C10orf90: variants seen among roughly 807,000 people sequenced by gnomAD.
C10orf90 encodes the protein (E2-independent) E3 ubiquitin-conjugating enzyme FATS.
A neutral mutation model predicts 62.5 loss-of-function variants in C10orf90; 56 were observed. The observed-to-expected ratio is 0.90, with a 90% CI of 0.72 to 1.12. The LOEUF (loss-of-function observed/expected upper bound fraction) is 1.12. Among genes scored for constraint, C10orf90 ranks in the 50% most tolerant of loss-of-function variants. C10orf90 has a pLI of 0.00. For synonymous variants in C10orf90, 386 were observed against 340.4 expected, an observed-to-expected ratio of 1.13 and a Z score of -1.47; for missense variants, 970 against 880.4, an observed-to-expected ratio of 1.10 and a Z score of -1.29.
In C10orf90 at chr10:126,514,811, C is replaced by T. The variant is rs192034466; in HGVS notation, c.314-872G>A. The stretch of plus-strand genomic sequence containing the variant: ...TCCACCCCCCATCTCTAAAAGTGAC[C>T]TTTGTCAGGTCGCTAATGTAGAAAC... On this transcript the variant is annotated intron_variant, in intron 2 of 9. Coordinates refer to ENST00000488181, the MANE Select transcript of C10orf90 (RefSeq NM_001350921.2). Among the ~76,000 whole-genome samples, 16 of 152,074 alleles carry T rather than the reference C, an allele frequency of 1.1e-4. No homozygotes were observed. The East Asian group carries it at 2.9e-3, about 28-fold the overall frequency.
intron 7 of C10orf90, among the ~76,000 whole-genome samples, chr10:126,451,296 A>G (rs1356196683): frequency 6.6e-6 from 1 of 152,188 alleles, no homozygotes; most frequent in Non-Finnish European, 1.5e-5. Flanking sequence ...CAAAAATGCA[A>G]AAATAGAATG....
chr10:126,612,521 G>A (rs1325877365), intron 2 of C10orf90, among the ~76,000 whole-genome samples: 1 of 152,148 alleles, frequency 6.6e-6, no homozygotes, highest in East Asian at 1.9e-4. Context: ...CCCCTCCGCT[G>A]AGGTACCCCA....
chr10:126,504,706 G>T lies in C10orf90; in HGVS notation c.785C>A (p.Pro262His). 1 of 1,611,028 alleles carries T rather than the reference G, an allele frequency of 6.2e-7. No homozygotes were observed. The change falls in exon 4 of 10, where the codon CCC (proline) becomes CAC (histidine). Residue 262 changes from proline to histidine, a missense_variant. Pro to His is a moderately conservative substitution (Grantham distance 77). Transcript: ENST00000488181. The surrounding 1 kb of genome is among the most constrained non-coding windows in gnomAD (Gnocchi z 4.1). ...VWGTAGDSLCPKCRAEDTLFQ... is the reference protein window; with the variant it reads ...VWGTAGDSLCHKCRAEDTLFQ... ...CAGTGTGTCCTCAGCCCTGCACTTG[G>T]GGCACAGAGAGTCCCCAGCAGTCCC...
rs115381152 is a variant in C10orf90, at chr10:126,576,292, T to C, written c.314-62353A>G. ...AGCCAACATCTCTCAAAAGGAGACA[T>C]AAAAAATGGCCAAGAAAGATATAAA... On this transcript the variant is annotated intron_variant, in intron 2 of 9. Transcript: ENST00000488181. Among the ~76,000 whole-genome samples, 1,457 of 151,932 alleles carry C rather than the reference T, an allele frequency of 9.6e-3. 26 individuals are homozygous for C. Among genetic ancestry groups the C allele is most frequent in the African/African-American group, 0.032 (1,337 of 41,492 alleles).
intron 2 of C10orf90, among the ~76,000 whole-genome samples, chr10:126,607,807 C>T (rs1196248188): frequency 1.3e-5 from 2 of 152,138 alleles, no homozygotes; most frequent in African/African-American, 4.8e-5. Flanking sequence ...TCAGAGTTTA[C>T]TCATACGGTT....
chr10:126,487,805 T>C (rs117693257), intron 4 of C10orf90, among the ~76,000 whole-genome samples: 3,352 of 152,184 alleles, frequency 0.022, 63 homozygotes, highest in Non-Finnish European at 0.035. Context: ...TATTGTATAA[T>C]ATAAAAGGAA....
intron 2 of C10orf90, among the ~76,000 whole-genome samples, chr10:126,637,284 G>C (rs1327136874): frequency 1.3e-5 from 2 of 152,154 alleles, no homozygotes; most frequent in Admixed American, 1.3e-4. Flanking sequence ...TCGTCTCAAA[G>C]TCCTATTGAT....
At chr10:126,432,157 G>A (rs1367978125) in intron 7 of C10orf90, among the ~76,000 whole-genome samples, 2 of 152,176 alleles carry the variant, frequency 1.3e-5, no homozygotes, top group African/African-American at 4.8e-5. Context: ...ATGAGGAAGT[G>A]GTTTGAAATA....
chr10:126,562,305 CTG>C (rs1864920676), intron 2 of C10orf90, among the ~76,000 whole-genome samples: 1 of 152,154 alleles, frequency 6.6e-6, no homozygotes, highest in South Asian at 2.1e-4. Flanking sequence ...CTCCCTTAGA[CTG>C]TATGGAAGCC....
At chr10:126,624,871 C>G (rs1845712493) in intron 2 of C10orf90, among the ~76,000 whole-genome samples, 1 of 152,174 alleles carries the variant, frequency 6.6e-6, no homozygotes, top group African/African-American at 2.4e-5. Flanking sequence ...TTAAGGCCTA[C>G]ACAGAACGTG....
intron 2 of C10orf90, among the ~76,000 whole-genome samples, chr10:126,575,751 A>G (rs1844598109): frequency 1.3e-5 from 2 of 152,036 alleles, no homozygotes; most frequent in South Asian, 4.1e-4. Context: ...CCATGAAACA[A>G]TAGAGAACCC....
chr10:126,441,169 A>T (rs2134023634), intron 7 of C10orf90, among the ~76,000 whole-genome samples: 1 of 152,302 alleles, frequency 6.6e-6, no homozygotes, highest in Middle Eastern at 3.4e-3. Context: ...TATTCAAGGA[A>T]ATAGAAAGCA....
At chr10:126,445,518 A>ATG (rs1252717782) in intron 7 of C10orf90, among the ~76,000 whole-genome samples, 1 of 152,086 alleles carries the variant, frequency 6.6e-6, no homozygotes, top group Non-Finnish European at 1.5e-5. Flanking sequence ...AAAACAGTAG[A>ATG]TGTTGGCGTG....
intron 1 of C10orf90, 135 bp downstream of exon 1, chr10:126,670,106 C>A: frequency 2.9e-6 from 1 of 341,250 alleles, no homozygotes; most frequent in Non-Finnish European, 5.8e-6. Flanking sequence ...TTTTCCAAAT[C>A]CCTTAGGGAA....
In C10orf90 at chr10:126,502,266, G is replaced by T. The variant is rs1591024964; in HGVS notation, c.1534+1691C>A. On this transcript the variant is annotated intron_variant, in intron 4 of 9. Transcript: ENST00000488181. ...CCAAAGCTACTGAAATTGTAAAAAA[G>T]GTATTCAAGACTCCCCTGGTGTCTG... is the stretch of plus-strand genomic sequence containing the variant. 2.0e-5 allele frequency among the ~76,000 whole-genome samples: 3 copies of T among 152,166 alleles called. No homozygotes were observed. The South Asian group carries it at 6.2e-4, about 32-fold the overall frequency.
chr10:126,646,513 G>C (rs1846174576), intron 2 of C10orf90, 52 bp downstream of exon 2: 1 of 354,344 alleles, frequency 2.8e-6, no homozygotes, highest in African/African-American at 2.2e-5. Context: ...GAGAGAGAGA[G>C]TAAATAAAGG....
At chr10:126,535,012 A>G (rs954825133) in intron 2 of C10orf90, among the ~76,000 whole-genome samples, 3 of 152,304 alleles carry the variant, frequency 2.0e-5, no homozygotes, top group South Asian at 4.1e-4. Context: ...TTCATGAAAG[A>G]GCCACATATT....
intron 2 of C10orf90, among the ~76,000 whole-genome samples, chr10:126,643,760 C>T (rs1195512492): frequency 6.6e-6 from 1 of 152,186 alleles, no homozygotes; most frequent in Non-Finnish European, 1.5e-5. Context: ...CAGAGTTTGA[C>T]CTAAAACTCT....
chr10:126,530,463 A>G (rs987039034), intron 2 of C10orf90, among the ~76,000 whole-genome samples: 6 of 152,170 alleles, frequency 3.9e-5, no homozygotes, highest in Admixed American at 3.3e-4. Context: ...TTTTATGTGA[A>G]TAAATTCAAC....
Sources: allele counts gnomAD v4.1 joint callset (sites outside exome capture counted in the v4.1 genomes callset), GRCh38; gene constraint gnomAD v4.1.1; non-coding constraint Gnocchi (gnomAD v3.1); transcripts MANE v1.5; gene names NCBI Gene and HGNC (gene_info 2026-07-23, HGNC 2026-07-21).